The following MAB21L4 variants were observed in gnomAD, a reference collection of about 807,000 sequenced individuals.
The protein encoded by MAB21L4 is protein mab-21-like 4.
Under a neutral mutation model 32.4 loss-of-function variants are expected in MAB21L4, and 25 were observed. That is an observed-to-expected ratio of 0.77 (90% CI 0.56 to 1.08). The LOEUF (loss-of-function observed/expected upper bound fraction) is 1.08, where lower values mean the gene tolerates loss of function less well. Among genes scored for constraint, MAB21L4 ranks in the 50% least tolerant of loss-of-function variants. The probability of loss-of-function intolerance (pLI) is 0.00; values close to 1 mark genes in which losing one functional copy is unlikely to be tolerated. For missense variants in MAB21L4, 638 were observed against 611.0 expected (o/e 1.04, Z -0.47); for synonymous variants, 280 against 276.8 (o/e 1.01, Z -0.11).
chr2:240,895,907 G>A lies in MAB21L4; in HGVS notation c.91C>T (p.Pro31Ser). 2 of 1,523,426 alleles carry A rather than the reference G, an allele frequency of 1.3e-6. No individual in the cohort carries two copies. Among genetic ancestry groups the A allele is most frequent in the African/African-American group, 1.4e-5 (1 of 72,488 alleles). 94.4% of individuals were successfully genotyped at this position (1,523,426 alleles called of 1,614,324 possible). Residue 31 changes from proline (P) to serine (S), a missense_variant, in exon 1 of 5, where the codon CCG becomes TCG. Transcript: ENST00000388934. ...GCGCGCTGGAAGTCCTGGGCACGCGGCGCCTCCCGGGACCGGATGGCCTGC... is the reference window on the plus strand; with the variant it reads ...GCGCGCTGGAAGTCCTGGGCACGCGACGCCTCCCGGGACCGGATGGCCTGC... ...YLQAIRSREA[P>S]RAQDFQRAEN...
chr2:240,891,835 T>C (rs1559578735), intron 1 of MAB21L4, 72 bp from the exon 2 acceptor site: 20 of 1,597,412 alleles, frequency 1.3e-5, no homozygotes, highest in Non-Finnish European at 1.5e-5. Flanking sequence ...GCCCTCCTCC[T>C]GCTGCCAACT....
intron 1 of MAB21L4, among the ~76,000 whole-genome samples, chr2:240,893,636 A>T (rs1276211344): frequency 6.6e-6 from 1 of 152,000 alleles, no homozygotes; most frequent in Non-Finnish European, 1.5e-5. Flanking sequence ...CTTTAAGGTG[A>T]GTGTCAGGAA....
At chr2:240,889,110 G>A (rs1209118864) in intron 3 of MAB21L4, among the ~76,000 whole-genome samples, 3 of 152,070 alleles carry the variant, frequency 2.0e-5, no homozygotes, top group East Asian at 1.9e-4. Flanking sequence ...GCCTGCGGCC[G>A]TTCCAGACAC....
intron 1 of MAB21L4, chr2:240,892,053 AC>A: frequency 1.4e-6 from 2 of 1,461,860 alleles, no homozygotes; most frequent in Non-Finnish European, 1.8e-6. Flanking sequence ...GCAGCGTCCT[AC>A]ATGAGGTTTT....
intron 1 of MAB21L4, among the ~76,000 whole-genome samples, chr2:240,894,968 C>T (rs755568671): frequency 2.4e-4 from 36 of 152,370 alleles, no homozygotes; most frequent in Non-Finnish European, 4.4e-4. Flanking sequence ...CCTGCACTCA[C>T]GCGCACGCAG....
At position 240,886,096 on chromosome 2, in the gene MAB21L4, G is replaced by A. The variant is rs1246496514; in HGVS notation, c.*974C>T. The A allele has an allele frequency of 6.5e-6, 1 of 154,016 alleles. No homozygotes were observed. Among genetic ancestry groups the A allele is most frequent in the African/African-American group, 2.4e-5 (1 of 41,482 alleles). The allele number at this position is 154,016 out of a possible 1,614,324, so 9.5% of individuals were successfully genotyped here. Reference sequence around the variant, plus strand: ...ACTCACAGTCCCGCAGGCTATACAGGAAGCATGGCTGGGAGGCCTCAGGAA... The same window carrying A: ...ACTCACAGTCCCGCAGGCTATACAGAAAGCATGGCTGGGAGGCCTCAGGAA... On this transcript the variant is annotated 3_prime_UTR_variant, in exon 5 of 5. Transcript: ENST00000388934.
At chr2:240,894,574 G>A (rs1013621159) in intron 1 of MAB21L4, among the ~76,000 whole-genome samples, 1 of 152,228 alleles carries the variant, frequency 6.6e-6, no homozygotes, top group African/African-American at 2.4e-5. Context: ...AGAGGCCCAG[G>A]TGGGCGGATC....
At chr2:240,893,366 C>T (rs1238905767) in intron 1 of MAB21L4, among the ~76,000 whole-genome samples, 2 of 152,226 alleles carry the variant, frequency 1.3e-5, no homozygotes. Context: ...CGGCCCATCC[C>T]ACAGGGGCCT....
intron 4 of MAB21L4, 95 bp from the exon 5 acceptor site, chr2:240,887,257 C>CAGGGAGGGCCAGTTG: frequency 9.7e-7 from 1 of 1,033,946 alleles, no homozygotes; most frequent in Non-Finnish European, 1.5e-6. Flanking sequence ...ACAACTGGCC[C>CAGGGAGGGCCAGTTG]TCCCTGGGCC....
intron 3 of MAB21L4, among the ~76,000 whole-genome samples, chr2:240,889,236 C>A (rs1289753680): frequency 6.6e-6 from 1 of 152,220 alleles, no homozygotes; most frequent in Non-Finnish European, 1.5e-5. Flanking sequence ...GCTTGGGAAC[C>A]ACCATGCATC....
intron 3 of MAB21L4, among the ~76,000 whole-genome samples, chr2:240,888,934 T>C (rs1296824164): frequency 1.3e-5 from 2 of 151,522 alleles, no homozygotes; most frequent in East Asian, 2.0e-4. Context: ...AGGACCTCCC[T>C]TGGGGGCCTC....
chr2:240,891,421 G>A (rs2059147812), intron 2 of MAB21L4, 117 bp downstream of exon 2: 4 of 935,866 alleles, frequency 4.3e-6, no homozygotes, highest in South Asian at 1.6e-5. Context: ...TGCCCATGGG[G>A]GCAGAGGCAG....
At position 240,888,536 on chromosome 2, in the gene MAB21L4, T is replaced by A; in HGVS notation, c.1007A>T (p.Lys336Met). ...VVLLCCLATRKLPHFLHPQRN... is the reference protein window; with the variant it reads ...VVLLCCLATRMLPHFLHPQRN... ...CTGCGGGTGGAGGAAGTGGGGCAGCTTCCGCGTGGCCAGGCAACAGAGCAG... is the reference window on the plus strand; with the variant it reads ...CTGCGGGTGGAGGAAGTGGGGCAGCATCCGCGTGGCCAGGCAACAGAGCAG... Residue 336 changes from lysine to methionine, a missense_variant, in exon 4 of 5, where the codon AAG becomes ATG. Physicochemically the swap from Lys to Met is moderately conservative, Grantham distance 95. Transcript: ENST00000388934. The A allele has an allele frequency of 6.2e-7, 1 of 1,608,556 alleles. No homozygotes were observed. Among genetic ancestry groups the A allele is most frequent in the African/African-American group, 1.3e-5 (1 of 74,948 alleles).
chr2:240,892,185 G>A, intron 1 of MAB21L4: 2 of 666,758 alleles, frequency 3.0e-6, no homozygotes, highest in South Asian at 2.7e-5. Flanking sequence ...CCCTCAGCTA[G>A]CCCCCTACCT....
chr2:240,893,374 C>A (rs1219341184), intron 1 of MAB21L4, among the ~76,000 whole-genome samples: 1 of 152,226 alleles, frequency 6.6e-6, no homozygotes, highest in African/African-American at 2.4e-5. Flanking sequence ...CCCACAGGGG[C>A]CTCAGTTCCC....
chr2:240,895,800 C>CT lies in MAB21L4; in HGVS notation c.197dup (p.Ala67GlyfsTer10). ...AGGAGCGCAGGGCGAACTGGAAGGC[C>CT]TCCAGGCCACGGGAGTAGTCCACGA... On this transcript the variant is annotated frameshift_variant, in exon 1 of 5. Coordinates refer to ENST00000388934, the MANE Select transcript of MAB21L4 (RefSeq NM_001085437.3). LOFTEE classifies it high-confidence loss of function. The CT allele has an allele frequency of 6.2e-7, 1 of 1,603,820 alleles. No homozygotes were observed. Among genetic ancestry groups the CT allele is most frequent in the East Asian group, 2.2e-5 (1 of 44,660 alleles).
chr2:240,896,082 C>T lies in MAB21L4; in HGVS notation c.-85G>A. On this transcript the variant is annotated 5_prime_UTR_variant, in exon 1 of 5. Coordinates refer to ENST00000388934, the MANE Select transcript of MAB21L4 (RefSeq NM_001085437.3). ...GTGCAGATGGGCTGTGAGGAGGCACCTGCCCAGGTGAGCAGCAGGTCTGCA... is the reference window on the plus strand; with the variant it reads ...GTGCAGATGGGCTGTGAGGAGGCACTTGCCCAGGTGAGCAGCAGGTCTGCA... 1.4e-6 allele frequency: 2 copies of T among 1,382,028 alleles called. No individual in the cohort carries two copies. Among genetic ancestry groups the T allele is most frequent in the Non-Finnish European group, 9.3e-7 (1 of 1,075,946 alleles). 85.6% of individuals were successfully genotyped at this position (1,382,028 alleles called of 1,614,324 possible).
intron 2 of MAB21L4, 59 bp downstream of exon 2, chr2:240,891,479 G>A: frequency 6.8e-7 from 1 of 1,460,766 alleles, no homozygotes. Flanking sequence ...GGAGCATGGG[G>A]GCAGTGGCCC....
intron 2 of MAB21L4, among the ~76,000 whole-genome samples, chr2:240,890,404 C>A (rs369827396): frequency 6.6e-6 from 1 of 152,230 alleles, no homozygotes; most frequent in Non-Finnish European, 1.5e-5. Flanking sequence ...CAGGCCAGTC[C>A]GGCCCTTTGT....
Sources: allele counts gnomAD v4.1 joint callset (sites outside exome capture counted in the v4.1 genomes callset), GRCh38; gene constraint gnomAD v4.1.1; transcripts MANE v1.5; gene names NCBI Gene and HGNC (gene_info 2026-07-23, HGNC 2026-07-21).